PCDHGA12: variants seen among roughly 807,000 people sequenced by gnomAD.
PCDHGA12 encodes the protein protocadherin gamma-A12.
In PCDHGA12, 43 loss-of-function variants were observed where a neutral mutation model predicts 61.1. The ratio of observed to expected loss-of-function variants is 0.70; its 90% confidence interval spans 0.55 to 0.91. The LOEUF (loss-of-function observed/expected upper bound fraction) is 0.91. Ranked by LOEUF, PCDHGA12 falls within the 40% of genes least tolerant of loss-of-function variation. The pLI is 0.00. For synonymous variants in PCDHGA12, 520 were observed against 542.9 expected (o/e 0.96, Z 0.59); for missense variants, 1,236 against 1,227.7 (o/e 1.01, Z -0.10).
chr5:141,441,041 C>T (rs2098220628), intron 1 of PCDHGA12: 1 of 152,152 alleles, frequency 6.6e-6, no homozygotes, highest in African/African-American at 2.4e-5. Context: ...ACTTTAAGTA[C>T]ATTGGACTTT....
rs138149681 is a variant in PCDHGA12, at chr5:141,486,735, G to A, written c.2425-8072G>A. Reference sequence around the variant, plus strand: ...CAGACAGGAGCTGTTCATGCTACTCGATCCTTTGACTATGAGCAAACCCAG... The same window carrying A: ...CAGACAGGAGCTGTTCATGCTACTCAATCCTTTGACTATGAGCAAACCCAG... On this transcript the variant is annotated intron_variant, in intron 1 of 3. Transcript: ENST00000252085. The surrounding 1 kb of genome is among the most constrained non-coding windows in gnomAD (Gnocchi z 5.0). 3.1e-4 allele frequency: 502 copies of A among 1,614,174 alleles called. 1 individual carries two copies. Among genetic ancestry groups the A allele is most frequent in the South Asian group, 1.8e-3 (161 of 91,086 alleles).
At position 141,505,504 on chromosome 5, in the gene PCDHGA12, T is replaced by C. The variant is rs756583857; in HGVS notation, c.2572+23T>C. The C allele has an allele frequency of 9.3e-6, 15 of 1,614,020 alleles. No individual in the cohort carries two copies. The African/African-American group carries it at 1.2e-4, about 13-fold the overall frequency. ...GTGGTAAGTGGTGTCAGTGTGTGTA[T>C]GGAAGAGTGGGAGACCTGGGGTTCT... On this transcript the variant is annotated intron_variant, in intron 3 of 3. Transcript: ENST00000252085.
chr5:141,442,343 G>C (rs1300318674), intron 1 of PCDHGA12: 1 of 152,336 alleles, frequency 6.6e-6, no homozygotes, highest in Non-Finnish European at 1.5e-5. Flanking sequence ...CAGGTTTCTG[G>C]GTAACTGTAG....
intron 1 of PCDHGA12, among the ~76,000 whole-genome samples, chr5:141,466,614 G>A (rs75804312): frequency 1.4e-3 from 218 of 152,142 alleles, no homozygotes; most frequent in Middle Eastern, 6.8e-3. Context: ...GTAAACTGCC[G>A]TTTTCTTTGG....
At chr5:141,450,885 T>C (rs1262944058) in intron 1 of PCDHGA12, among the ~76,000 whole-genome samples, 1 of 149,238 alleles carries the variant, frequency 6.7e-6, no homozygotes, top group African/African-American at 2.5e-5. Context: ...TGTGCAGTGG[T>C]GCGATATCGG....
intron 1 of PCDHGA12, chr5:141,479,660 A>G (rs1206947602): frequency 6.6e-6 from 1 of 152,266 alleles, no homozygotes; most frequent in African/African-American, 2.4e-5. Flanking sequence ...ACAATCCCAG[A>G]AACTACAAAA....
intron 2 of PCDHGA12, among the ~76,000 whole-genome samples, chr5:141,498,828 G>C (rs2099786098): frequency 6.6e-6 from 1 of 152,092 alleles, no homozygotes; most frequent in Non-Finnish European, 1.5e-5. Flanking sequence ...AGCTACTCAG[G>C]AGGCTGAGGC....
chr5:141,455,897 T>C (rs1330516646), intron 1 of PCDHGA12, among the ~76,000 whole-genome samples: 1 of 149,800 alleles, frequency 6.7e-6, no homozygotes, highest in African/African-American at 2.4e-5. Flanking sequence ...ATTTATTTAT[T>C]TATTTATTTA....
intron 1 of PCDHGA12, among the ~76,000 whole-genome samples, chr5:141,453,258 T>A (rs1336801456): frequency 1.6e-4 from 25 of 152,096 alleles, no homozygotes; most frequent in Admixed American, 1.6e-3. Flanking sequence ...GGGCTGCAAG[T>A]GCACACCACC....
Position 141,430,834 on chromosome 5 carries a change from G to T in PCDHGA12, c.75G>T (p.Glu25Asp), listed in dbSNP as rs1317415848. 1 of 1,557,712 alleles carries T rather than the reference G, an allele frequency of 6.4e-7. No individual in the cohort carries two copies. Among genetic ancestry groups the T allele is most frequent in the Non-Finnish European group, 8.7e-7 (1 of 1,156,062 alleles). Reference protein sequence around the residue: ...LLGILLGTLWETGCTQIRYSV... With the variant: ...LLGILLGTLWDTGCTQIRYSV... ...GAATCCTCCTGGGGACTCTGTGGGA[G>T]ACCGGATGCACCCAGATACGCTATT... The change falls in exon 1 of 4, where the codon GAG becomes GAT. Residue 25 changes from glutamate to aspartate, a missense_variant. Physicochemically the swap from Glu to Asp is conservative, Grantham distance 45. Transcript: ENST00000252085.
intron 2 of PCDHGA12, among the ~76,000 whole-genome samples, chr5:141,501,057 C>T (rs185929124): frequency 9.7e-4 from 147 of 151,960 alleles, no homozygotes; most frequent in African/African-American, 3.4e-3. Context: ...TTAGTAGAGA[C>T]GGGGTTTCAC....
At chr5:141,483,967 G>C (rs2099589454) in intron 1 of PCDHGA12, among the ~76,000 whole-genome samples, 1 of 149,276 alleles carries the variant, frequency 6.7e-6, no homozygotes, top group African/African-American at 2.5e-5. Flanking sequence ...TTCTGTGCTT[G>C]TGCAAGGGAG....
chr5:141,487,968 T>C lies in PCDHGA12; in HGVS notation c.2425-6839T>C, dbSNP rs2099670029. Among the ~76,000 whole-genome samples the C allele has an allele frequency of 6.6e-6, 1 of 152,236 alleles. No individual in the cohort carries two copies. The highest frequency in any genetic ancestry group is 1.5e-5 in the Non-Finnish European group (1 of 68,050). On this transcript the variant is annotated intron_variant, in intron 1 of 3. Transcript: ENST00000252085. This position sits in a 1 kb window ranked among gnomAD's most constrained non-coding sequence, Gnocchi z 5.0. The stretch of plus-strand genomic sequence containing the variant: ...AGGCAGTCACTTGGACAAAGGTGGC[T>C]GTTTTCTCTACTCTTCCTGAAAGAG...
Position 141,486,429 on chromosome 5 carries a change from C to G in PCDHGA12, c.2425-8378C>G, listed in dbSNP as rs2099629385. On this transcript the variant is annotated intron_variant, in intron 1 of 3. Transcript: ENST00000252085. The surrounding 1 kb of genome is among the most constrained non-coding windows in gnomAD (Gnocchi z 5.0). ...GGACCCTTGGATCGAGAGGCCAAAT[C>G]TAGCTATGACATCATGGTCACTGCT... 1.1e-5 allele frequency: 17 copies of G among 1,614,192 alleles called. No homozygotes were observed. Among genetic ancestry groups the G allele is most frequent in the Non-Finnish European group, 1.4e-5 (17 of 1,180,008 alleles).
chr5:141,470,369 T>C (rs751264270), intron 1 of PCDHGA12, among the ~76,000 whole-genome samples: 2 of 152,226 alleles, frequency 1.3e-5, no homozygotes, highest in Non-Finnish European at 1.5e-5. Context: ...TTAGGTTGAA[T>C]GGAAAGACTA....
chr5:141,497,885 A>T (rs1469477968), intron 2 of PCDHGA12, among the ~76,000 whole-genome samples: 1 of 152,166 alleles, frequency 6.6e-6, no homozygotes, highest in Non-Finnish European at 1.5e-5. Flanking sequence ...AAGCGTTAGG[A>T]TCTAGTCCAG....
intron 1 of PCDHGA12, among the ~76,000 whole-genome samples, chr5:141,448,393 A>G (rs190525499): frequency 6.6e-6 from 1 of 152,306 alleles, no homozygotes; most frequent in Admixed American, 6.5e-5. Flanking sequence ...ATACATTTAC[A>G]TGGTTTTAAA....
Position 141,498,971 on chromosome 5 carries a change from GGGAAGGAAGGAAGGAAGGAAGGAA to G in PCDHGA12, c.2483+4140_2483+4163del, listed in dbSNP as rs201769957. 5.1e-3 allele frequency among the ~76,000 whole-genome samples: 569 copies of G among 111,048 alleles called. 6 individuals carry two copies. Among genetic ancestry groups the G allele is most frequent in the South Asian group, 0.024 (65 of 2,658 alleles). 72.9% of individuals were successfully genotyped at this position (111,048 alleles called of 152,430 possible). A position where few individuals can be genotyped will look rare whatever the true frequency, so the allele number is the denominator to read the frequency against. On this transcript the variant is annotated intron_variant, in intron 2 of 3. Coordinates refer to ENST00000252085, the MANE Select transcript of PCDHGA12 (RefSeq NM_003735.3). ...AAAAAGAGAGAGAGGGAGGGAGGGA[GGGAAGGAAGGAAGGAAGGAAGGAA>G]GGAAGGAAGGAAGGAAGGAAGGAAG...
chr5:141,485,858 C>A lies in PCDHGA12; in HGVS notation c.2425-8949C>A, dbSNP rs1431906047. 8.1e-6 allele frequency: 13 copies of A among 1,614,162 alleles called. No individual in the cohort carries two copies. The South Asian group carries it at 1.4e-4, about 18-fold the overall frequency. ...GCCGAGATCTGGCACCGCAGAGCTC[C>A]GGGTATCCGTGCTGGACGTAAACGA... On this transcript the variant is annotated intron_variant, in intron 1 of 3. Coordinates refer to ENST00000252085, the MANE Select transcript of PCDHGA12 (RefSeq NM_003735.3). This position sits in a 1 kb window ranked among gnomAD's most constrained non-coding sequence, Gnocchi z 5.7.
Sources: allele counts gnomAD v4.1 joint callset (sites outside exome capture counted in the v4.1 genomes callset), GRCh38; gene constraint gnomAD v4.1.1; non-coding constraint Gnocchi (gnomAD v3.1); transcripts MANE v1.5; gene names NCBI Gene and HGNC (gene_info 2026-07-23, HGNC 2026-07-21).